Variants in ADGRB1 observed in about 807,000 individuals in gnomAD.
The protein encoded by ADGRB1 is brain-specific angiogenesis inhibitor 1.
Under a neutral mutation model 175.7 loss-of-function variants are expected in ADGRB1, and 36 were observed. The ratio of observed to expected loss-of-function variants is 0.20; its 90% confidence interval spans 0.16 to 0.27. The LOEUF (loss-of-function observed/expected upper bound fraction) is 0.27, where lower values mean the gene tolerates loss of function less well. Ranked by LOEUF, ADGRB1 falls within the 10% of genes least tolerant of loss-of-function variation. The pLI, the probability that ADGRB1 is intolerant of heterozygous loss-of-function variation, is 1.00. For missense variants in ADGRB1, 1,731 were observed against 2,255.3 expected (o/e 0.77, Z 4.71); for synonymous variants, 1,054 against 979.4 (o/e 1.08, Z -1.42).
At chr8:142,479,149 C>A in intron 7 of ADGRB1, 174 bp from the exon 8 acceptor site, 1 of 657,768 alleles carries the variant, frequency 1.5e-6, no homozygotes, top group South Asian at 4.5e-5. Context: ...ACTGATTTCT[C>A]CTCTCCTGGT....
chr8:142,464,189 G>T lies in ADGRB1; in HGVS notation c.-10G>T, dbSNP rs1274318585. 1.6e-6 allele frequency: 2 copies of T among 1,231,888 alleles called. No homozygotes were observed. Among genetic ancestry groups the T allele is most frequent in the Non-Finnish European group, 2.0e-6 (2 of 989,926 alleles). The allele number at this position is 1,231,888 out of a possible 1,614,324, so 76.3% of individuals were successfully genotyped here. ...CAGCCCGCGGAACCCCGGCGGCCCC[G>T]CGAGCTAGGATGAGGGGCCAGGCCG... On this transcript the variant is annotated 5_prime_UTR_variant, in exon 2 of 31. Transcript: ENST00000517894.
chr8:142,494,174 C>A (rs1842109049), intron 17 of ADGRB1, among the ~76,000 whole-genome samples: 1 of 152,160 alleles, frequency 6.6e-6, no homozygotes, highest in Non-Finnish European at 1.5e-5. Context: ...CAGAACTGAA[C>A]TGGTCACAGA....
intron 2 of ADGRB1, among the ~76,000 whole-genome samples, chr8:142,469,170 T>TGC (rs1554604873): frequency 6.7e-6 from 1 of 148,458 alleles, no homozygotes; most frequent in Non-Finnish European, 1.5e-5. Flanking sequence ...TGTGTGTGTG[T>TGC]GCATGTGTGT....
Position 142,542,674 on chromosome 8 carries a change from C to A in ADGRB1, c.4413+27C>A. On this transcript the variant is annotated intron_variant, in intron 28 of 30. Transcript: ENST00000517894. The surrounding 1 kb of genome is among the most constrained non-coding windows in gnomAD (Gnocchi z 6.3). The stretch of plus-strand genomic sequence containing the variant: ...TGAGGGGGGCAGGGGTGGGCCACAC[C>A]CCAGCCAGCGAGGGCAGGGCTGCAG... The A allele has an allele frequency of 6.6e-7, 1 of 1,521,730 alleles. No homozygotes were observed. The allele number at this position is 1,521,730 out of a possible 1,614,324, so 94.3% of individuals were successfully genotyped here. A position where few individuals can be genotyped will look rare whatever the true frequency, so the allele number is the denominator to read the frequency against.
At position 142,510,833 on chromosome 8, in the gene ADGRB1, G is replaced by T. The variant is rs1157866593; in HGVS notation, c.2676-99G>T. ...GTGCGGGGCGGCGGGCCGGGGCCGG[G>T]GCCGGGGCGCGGAGCCGCCGCTCGG... On this transcript the variant is annotated intron_variant, in intron 17 of 30. Transcript: ENST00000517894. The surrounding 1 kb of genome is among the most constrained non-coding windows in gnomAD (Gnocchi z 6.3). 1.3e-4 allele frequency: 77 copies of T among 598,830 alleles called. No homozygotes were observed. Among genetic ancestry groups the T allele is most frequent in the Non-Finnish European group, 1.5e-4 (72 of 479,918 alleles). 37.1% of individuals were successfully genotyped at this position (598,830 alleles called of 1,614,324 possible). A position where few individuals can be genotyped will look rare whatever the true frequency, so the allele number is the denominator to read the frequency against.
In ADGRB1 at chr8:142,504,985, C is replaced by T. The variant is rs1587365708; in HGVS notation, c.2676-5947C>T. Among the ~76,000 whole-genome samples the T allele has an allele frequency of 6.6e-6, 1 of 150,552 alleles. No individual in the cohort carries two copies. Among genetic ancestry groups the T allele is most frequent in the Non-Finnish European group, 1.5e-5 (1 of 67,842 alleles). On this transcript the variant is annotated intron_variant, in intron 17 of 30. Transcript: ENST00000517894. This position sits in a 1 kb window ranked among gnomAD's most constrained non-coding sequence, Gnocchi z 5.6. ...ATCAAATCCAAGGGGACCCCGACAGCGCACAGTCCCATAATAGCACCTGCT... is the reference window on the plus strand; with the variant it reads ...ATCAAATCCAAGGGGACCCCGACAGTGCACAGTCCCATAATAGCACCTGCT...
chr8:142,520,417 GTGGTAATGATTGTATGA>G (rs1843743621), intron 19 of ADGRB1, among the ~76,000 whole-genome samples: 1 of 2,046 alleles, frequency 4.9e-4, no homozygotes, highest in East Asian at 0.014. Context: ...AATGGTGATA[GTGGTAATGATTGTATGA>G]TGATGGTGGT....
chr8:142,478,556 C>G (rs574107676), intron 7 of ADGRB1, among the ~76,000 whole-genome samples, 196 bp downstream of exon 7: 1 of 118,942 alleles, frequency 8.4e-6, no homozygotes, highest in East Asian at 2.7e-4. Flanking sequence ...GTGAGGTGCA[C>G]TGTGGGGTGT....
At chr8:142,454,540 G>T (rs1232275841) in intron 1 of ADGRB1, among the ~76,000 whole-genome samples, 2 of 152,174 alleles carry the variant, frequency 1.3e-5, no homozygotes, top group African/African-American at 4.8e-5. Flanking sequence ...CGATCCAGAA[G>T]ACACAGCCTG....
Position 142,544,139 on chromosome 8 carries a change from T to C in ADGRB1, c.4558-81T>C, listed in dbSNP as rs191546375. On this transcript the variant is annotated intron_variant, in intron 30 of 30. Coordinates refer to ENST00000517894, the MANE Select transcript of ADGRB1 (RefSeq NM_001702.3). Reference sequence around the variant, plus strand: ...CCCGTCCCTTCCTCACTGATTCGTGTCTGCCTCCTCCCCCCTACTCCTCGG... The same window carrying C: ...CCCGTCCCTTCCTCACTGATTCGTGCCTGCCTCCTCCCCCCTACTCCTCGG... The C allele has an allele frequency of 7.6e-5, 109 of 1,441,840 alleles. No homozygotes were observed. The African/African-American group carries it at 1.3e-3, about 17-fold the overall frequency. The allele number at this position is 1,441,840 out of a possible 1,614,324, so 89.3% of individuals were successfully genotyped here.
intron 24 of ADGRB1, among the ~76,000 whole-genome samples, chr8:142,527,788 G>A (rs985947334): frequency 1.3e-5 from 2 of 152,218 alleles, no homozygotes; most frequent in African/African-American, 4.8e-5. Context: ...GCTCACCCAG[G>A]GTGGATGTTT....
At chr8:142,526,651 C>T (rs1844219681) in intron 24 of ADGRB1, 24 bp downstream of exon 24, 1 of 1,597,144 alleles carries the variant, frequency 6.3e-7, no homozygotes, top group Non-Finnish European at 8.5e-7. Context: ...TACGCGGCTC[C>T]TTGCCCACCC....
At position 142,543,823 on chromosome 8, in the gene ADGRB1, C is replaced by A. The variant is rs1001739924; in HGVS notation, c.4557+115C>A. On this transcript the variant is annotated intron_variant, in intron 30 of 30. Transcript: ENST00000517894. This position sits in a 1 kb window ranked among gnomAD's most constrained non-coding sequence, Gnocchi z 4.4. ...CCATCCATCCATCCATCCATTCGTT[C>A]ATTCATTCATTCATTCGCCCATCCC... 5.2e-6 allele frequency: 5 copies of A among 967,328 alleles called. No individual in the cohort carries two copies. The African/African-American group carries it at 6.5e-5, about 13-fold the overall frequency. The allele number at this position is 967,328 out of a possible 1,614,324, so 59.9% of individuals were successfully genotyped here.
In ADGRB1 at chr8:142,543,172, G is replaced by A. The variant is rs1424611266; in HGVS notation, c.4414-231G>A. 4.6e-5 allele frequency among the ~76,000 whole-genome samples: 7 copies of A among 152,112 alleles called. No homozygotes were observed. Among genetic ancestry groups the A allele is most frequent in the Admixed American group, 3.3e-4 (5 of 15,284 alleles). ...TCCTTGATCCTGGGGAGTGTGTCCCGGGTAGGCGAGCCGGACACCCCAGCC... is the reference window on the plus strand; with the variant it reads ...TCCTTGATCCTGGGGAGTGTGTCCCAGGTAGGCGAGCCGGACACCCCAGCC... On this transcript the variant is annotated intron_variant, in intron 28 of 30. Transcript: ENST00000517894. The surrounding 1 kb of genome is among the most constrained non-coding windows in gnomAD (Gnocchi z 4.4).
chr8:142,533,094 G>A (rs572112876), intron 24 of ADGRB1, among the ~76,000 whole-genome samples: 2 of 152,230 alleles, frequency 1.3e-5, no homozygotes, highest in Admixed American at 1.3e-4. Flanking sequence ...GGAGGAGAGA[G>A]GGTGCAGACG....
chr8:142,477,009 G>A (rs961607834), intron 4 of ADGRB1, 105 bp from the exon 5 acceptor site: 15 of 1,391,544 alleles, frequency 1.1e-5, no homozygotes, highest in African/African-American at 5.9e-5. Flanking sequence ...CCCCAGCCCC[G>A]CTGCCTGCTC....
At chr8:142,489,187 G>T (rs545952197) in intron 15 of ADGRB1, 77 bp downstream of exon 15, 23 of 1,551,234 alleles carry the variant, frequency 1.5e-5, no homozygotes, top group Admixed American at 3.7e-5. Context: ...AGGATGTGAA[G>T]GGGGAGGCCA....
At chr8:142,490,137 T>C (rs1841916501) in intron 16 of ADGRB1, among the ~76,000 whole-genome samples, 1 of 152,184 alleles carries the variant, frequency 6.6e-6, no homozygotes, top group Admixed American at 6.5e-5. Context: ...CCCAGCCCTG[T>C]CCTTTCTAGC....
intron 11 of ADGRB1, 142 bp from the exon 12 acceptor site, chr8:142,483,835 C>T (rs1841519148): frequency 3.5e-6 from 3 of 852,152 alleles, no homozygotes; most frequent in Admixed American, 4.6e-5. Flanking sequence ...TGAGCTCTGA[C>T]CCTGGTCACA....
Sources: gnomAD v4.1 joint callset for allele counts (sites outside exome capture counted in the v4.1 genomes callset) on GRCh38, gnomAD v4.1.1 for gene constraint, Gnocchi (gnomAD v3.1) non-coding constraint, MANE v1.5 for transcripts, NCBI Gene and HGNC (gene_info 2026-07-23, HGNC 2026-07-21) for gene names.